The following MTTP variants were observed in gnomAD, a reference collection of about 807,000 sequenced individuals.
The protein encoded by MTTP is microsomal triglyceride transfer protein large subunit.
In MTTP, 49 loss-of-function variants were observed where a neutral mutation model predicts 90.6. The observed-to-expected ratio is 0.54, with a 90% CI of 0.43 to 0.69. The LOEUF (loss-of-function observed/expected upper bound fraction) is 0.69. Among genes scored for constraint, MTTP ranks in the 30% least tolerant of loss-of-function variants. The probability of loss-of-function intolerance (pLI) is 0.00; values close to 1 mark genes in which losing one functional copy is unlikely to be tolerated. For missense variants in MTTP, 945 were observed against 1,067.5 expected, an observed-to-expected ratio of 0.89 and a Z score of 1.60; for synonymous variants, 347 against 384.2, an observed-to-expected ratio of 0.90 and a Z score of 1.13.
At chr4:99,581,359 G>A (rs1044954317) in intron 1 of MTTP, among the ~76,000 whole-genome samples, 4 of 152,234 alleles carry the variant, frequency 2.6e-5, no homozygotes, top group Admixed American at 6.5e-5. Flanking sequence ...TATGTGCAAC[G>A]CTGAAATGTA....
chr4:99,573,571 T>TC (rs1724886048), upstream of MTTP, among the ~76,000 whole-genome samples: 1 of 152,154 alleles, frequency 6.6e-6, no homozygotes, highest in Admixed American at 6.5e-5. Flanking sequence ...CAAACAATTT[T>TC]CATGTTTCGA....
At chr4:99,576,017 G>T (rs904293427) in intron 1 of MTTP, among the ~76,000 whole-genome samples, 2 of 152,106 alleles carry the variant, frequency 1.3e-5, no homozygotes, top group African/African-American at 4.8e-5. Flanking sequence ...TTCATTATTG[G>T]AGCAATAGAG....
At chr4:99,595,614 A>C (rs1346966266) in intron 7 of MTTP, 1 of 152,284 alleles carries the variant, frequency 6.6e-6, no homozygotes, top group Non-Finnish European at 1.5e-5. Flanking sequence ...AGAAAAGTGA[A>C]ATCATCAAGA....
Position 99,623,308 on chromosome 4 carries a change from A to T in MTTP, c.*460A>T. On this transcript the variant is annotated 3_prime_UTR_variant, in exon 18 of 18. Coordinates refer to ENST00000265517, the MANE Select transcript of MTTP (RefSeq NM_001386140.1). Reference sequence around the variant, plus strand: ...GAAAAAAAAAAAAAAAAAAAGTAAGACACAAACAAACCATTTTTTTTCTCT... The same window carrying T: ...GAAAAAAAAAAAAAAAAAAAGTAAGTCACAAACAAACCATTTTTTTTCTCT... 6.2e-6 allele frequency: 1 copy of T among 161,562 alleles called. No homozygotes were observed. The highest frequency in any genetic ancestry group is 2.4e-5 in the African/African-American group (1 of 41,334). 10.0% of individuals were successfully genotyped at this position (161,562 alleles called of 1,614,324 possible). A position where few individuals can be genotyped will look rare whatever the true frequency, so the allele number is the denominator to read the frequency against.
chr4:99,566,585 T>C (rs1306891342), intron 1 of MTTP, among the ~76,000 whole-genome samples: 2 of 152,152 alleles, frequency 1.3e-5, no homozygotes, highest in African/African-American at 2.4e-5. Flanking sequence ...GGATAAAAGT[T>C]CCAGGAGAGA....
At position 99,608,888 on chromosome 4, in the gene MTTP, C is replaced by A. The variant is rs1336539442; in HGVS notation, c.1680C>A (p.Ile560=). The part of the protein sequence containing the change: ...NNPSYMDVKN[I]LLSIGELPQE... ...CATCCTACATGGACGTCAAGAACAT[C>A]CTGCTGTCTATTGGGGAGCTTCCCC... Residue 560 remains isoleucine (I), a synonymous_variant, in exon 12 of 18, where the codon ATC becomes ATA. Transcript: ENST00000265517. The A allele has an allele frequency of 6.2e-7, 1 of 1,614,132 alleles. No homozygotes were observed. The highest frequency in any genetic ancestry group is 8.5e-7 in the Non-Finnish European group (1 of 1,180,000).
rs190046176 is a variant in MTTP, at chr4:99,621,340, C to T, written c.2513+109C>T. Reference sequence around the variant, plus strand: ...GAATTAAAACAAAACAGTAGAAACCCAGGGAAAGATGAATTTTCTTTAAAT... The same window carrying T: ...GAATTAAAACAAAACAGTAGAAACCTAGGGAAAGATGAATTTTCTTTAAAT... On this transcript the variant is annotated intron_variant, in intron 17 of 17. Coordinates refer to ENST00000265517, the MANE Select transcript of MTTP (RefSeq NM_001386140.1). The T allele has an allele frequency of 4.5e-4, 621 of 1,367,340 alleles. 2 individuals carry two copies. The African/African-American group carries it at 8.0e-3, about 18-fold the overall frequency. 84.7% of individuals were successfully genotyped at this position (1,367,340 alleles called of 1,614,324 possible). A position where few individuals can be genotyped will look rare whatever the true frequency, so the allele number is the denominator to read the frequency against.
chr4:99,603,371 T>C (rs879258893), intron 10 of MTTP, among the ~76,000 whole-genome samples: 5 of 152,144 alleles, frequency 3.3e-5, no homozygotes, highest in African/African-American at 4.8e-5. Flanking sequence ...CATACTCAGA[T>C]TTTTTATTAA....
chr4:99,611,300 G>T (rs570618450), intron 13 of MTTP, 32 bp from the exon 14 acceptor site: 2 of 1,613,888 alleles, frequency 1.2e-6, no homozygotes, highest in Admixed American at 1.7e-5. Context: ...TGCTGGAACT[G>T]CTATTAAATT....
At chr4:99,612,230 CA>C (rs1485865259) in intron 14 of MTTP, among the ~76,000 whole-genome samples, 1 of 152,096 alleles carries the variant, frequency 6.6e-6, no homozygotes, top group Non-Finnish European at 1.5e-5. Context: ...TGAGGAATCA[CA>C]ATCTGTTTTC....
At chr4:99,574,643 C>CTA, upstream of MTTP, 1 of 661,444 alleles carries the variant, frequency 1.5e-6, no homozygotes, top group South Asian at 1.8e-5. Context: ...AAAGTGAAAA[C>CTA]ATTTAAAGTT....
Position 99,589,624 on chromosome 4 carries a change from G to T in MTTP, c.394-19G>T, listed in dbSNP as rs769148641. On this transcript the variant is annotated intron_variant, in intron 3 of 17. Coordinates refer to ENST00000265517, the MANE Select transcript of MTTP (RefSeq NM_001386140.1). ...TGCATTTTTGCTTCATTTGTGTTCT[G>T]TTCCCCTCTCCCCACCAGGTCAAAG... is the stretch of plus-strand genomic sequence containing the variant. The T allele has an allele frequency of 7.0e-7, 1 of 1,435,092 alleles. No homozygotes were observed. The highest frequency in any genetic ancestry group is 1.1e-5 in the South Asian group (1 of 87,440). 88.9% of individuals were successfully genotyped at this position (1,435,092 alleles called of 1,614,324 possible). A position where few individuals can be genotyped will look rare whatever the true frequency, so the allele number is the denominator to read the frequency against.
chr4:99,615,691 G>A (rs112452541), intron 15 of MTTP, among the ~76,000 whole-genome samples: 5,803 of 152,314 alleles, frequency 0.038, 145 homozygotes, highest in African/African-American at 0.052. Flanking sequence ...ATTACTCTGT[G>A]CTTGCTCACA....
chr4:99,622,739 A>G lies in MTTP; in HGVS notation c.2576A>G (p.Lys859Arg). 6.2e-7 allele frequency: 1 copy of G among 1,614,110 alleles called. No individual in the cohort carries two copies. Among genetic ancestry groups the G allele is most frequent in the East Asian group, 2.2e-5 (1 of 44,858 alleles). The change falls in exon 18 of 18, where the codon AAA (lysine) becomes AGA (arginine). Residue 859 changes from lysine to arginine, a missense_variant. By Grantham distance (26) the Lys-to-Arg change is conservative. Transcript: ENST00000265517. ...AGAGGTTATGTCTCTCAGAAAAGAAAAGAAAGCGTATTAGCAGGATGTGAA... is the reference window on the plus strand; with the variant it reads ...AGAGGTTATGTCTCTCAGAAAAGAAGAGAAAGCGTATTAGCAGGATGTGAA... ...TGRGYVSQKR[K>R]ESVLAGCEFP... is the part of the protein sequence containing the mutation.
chr4:99,589,707 C>T lies in MTTP; in HGVS notation c.458C>T (p.Ala153Val), dbSNP rs780504258. Residue 153 changes from alanine (A) to valine (V), a missense_variant, in exon 4 of 18, where the codon GCT (alanine) becomes GTT (valine). By Grantham distance (64) the Ala-to-Val change is moderately conservative (BLOSUM62 0). Coordinates refer to ENST00000265517, the MANE Select transcript of MTTP (RefSeq NM_001386140.1). Reference protein sequence around the residue: ...VAIENIKRGLASLFQTQLSSG... With the variant: ...VAIENIKRGLVSLFQTQLSSG... ...ATAGAAAATATCAAGAGAGGTCTGG[C>T]TAGCCTATTTCAGACACAGTTAAGC... 6.2e-7 allele frequency: 1 copy of T among 1,607,948 alleles called. No individual in the cohort carries two copies. The highest frequency in any genetic ancestry group is 8.5e-7 in the Non-Finnish European group (1 of 1,174,916).
At chr4:99,577,737 G>A (rs1044285522) in intron 1 of MTTP, among the ~76,000 whole-genome samples, 17 of 152,160 alleles carry the variant, frequency 1.1e-4, no homozygotes, top group African/African-American at 4.1e-4. Flanking sequence ...GATTTGCTGT[G>A]TGAACTTTCT....
At position 99,600,701 on chromosome 4, in the gene MTTP, C is replaced by T. The variant is rs1725674631; in HGVS notation, c.1204C>T (p.His402Tyr). 3 of 1,613,760 alleles carry T rather than the reference C, an allele frequency of 1.9e-6. No individual in the cohort carries two copies. Among genetic ancestry groups the T allele is most frequent in the Non-Finnish European group, 2.5e-6 (3 of 1,179,790 alleles). ...TCTCTATGCCTGTGGATTTGCTTCT[C>T]ATCCCAATGAAGAACTCCTGAGAGC... Reference protein sequence around the residue: ...RFLYACGFASHPNEELLRALI... With the variant: ...RFLYACGFASYPNEELLRALI... Residue 402 changes from histidine to tyrosine, a missense_variant, in exon 9 of 18, where the codon CAT becomes TAT. Physicochemically the swap from His to Tyr is moderately conservative, Grantham distance 83. Coordinates refer to ENST00000265517, the MANE Select transcript of MTTP (RefSeq NM_001386140.1).
chr4:99,573,215 A>G (rs1336838118), upstream of MTTP, among the ~76,000 whole-genome samples: 2 of 152,156 alleles, frequency 1.3e-5, no homozygotes, highest in Non-Finnish European at 2.9e-5. Context: ...CAAATACAAT[A>G]CAAACTAGCT....
rs1726299262 is a variant in MTTP, at chr4:99,623,610, G to A, written c.*762G>A. ...AACTCCATTTGATTTTTCTTTTGCT[G>A]TGTCTTTTTGAGACTGTAATATGGT... On this transcript the variant is annotated 3_prime_UTR_variant, in exon 18 of 18. Coordinates refer to ENST00000265517, the MANE Select transcript of MTTP (RefSeq NM_001386140.1). 2 of 152,372 alleles carry A rather than the reference G, an allele frequency of 1.3e-5. No homozygotes were observed. The highest frequency in any genetic ancestry group is 4.1e-4 in the South Asian group (2 of 4,838). The allele number at this position is 152,372 out of a possible 1,614,324, so 9.4% of individuals were successfully genotyped here.
Sources: gnomAD v4.1 joint callset for allele counts (sites outside exome capture counted in the v4.1 genomes callset) on GRCh38, gnomAD v4.1.1 for gene constraint, MANE v1.5 for transcripts, NCBI Gene and HGNC (gene_info 2026-07-23, HGNC 2026-07-21) for gene names.